The following SNX31 variants were observed in gnomAD, a reference collection of about 807,000 sequenced individuals.
SNX31 encodes the protein sorting nexin 31.
A neutral mutation model predicts 65.4 loss-of-function variants in SNX31; 58 were observed. The observed-to-expected ratio is 0.89, with a 90% CI of 0.72 to 1.10. SNX31 has a LOEUF of 1.10. Among genes scored for constraint, SNX31 ranks in the 50% least tolerant of loss-of-function variants. The probability of loss-of-function intolerance (pLI) is 0.00; values close to 1 mark genes in which losing one functional copy is unlikely to be tolerated. For synonymous variants in SNX31, 181 were observed against 190.1 expected, an observed-to-expected ratio of 0.95 and a Z score of 0.39; for missense variants, 523 against 529.7, an observed-to-expected ratio of 0.99 and a Z score of 0.12.
At position 100,573,613 on chromosome 8, in the gene SNX31, T is replaced by C. The variant is rs747205140; in HGVS notation, c.*252A>G. On this transcript the variant is annotated 3_prime_UTR_variant, in exon 14 of 14. Transcript: ENST00000311812. ...TATGAGACATTAAAAACAAACTCTA[T>C]ACTGTCATGACGAAGTGCAAAAATA... 59 of 286,320 alleles carry C rather than the reference T, an allele frequency of 2.1e-4. No homozygotes were observed. The highest frequency in any genetic ancestry group is 2.9e-4 in the Non-Finnish European group (45 of 156,186). The allele number at this position is 286,320 out of a possible 1,614,324, so 17.7% of individuals were successfully genotyped here.
intron 2 of SNX31, among the ~76,000 whole-genome samples, chr8:100,641,312 A>G (rs1318058061): frequency 2.0e-5 from 3 of 151,660 alleles, no homozygotes; most frequent in Non-Finnish European, 4.4e-5. Context: ...CTAGGTGGGC[A>G]GATTGCTTGA....
intron 11 of SNX31, among the ~76,000 whole-genome samples, chr8:100,586,080 C>G (rs1316670487): frequency 4.6e-5 from 7 of 152,070 alleles, no homozygotes; most frequent in African/African-American, 1.7e-4. Flanking sequence ...GCCACCATGC[C>G]CAGATGATTT....
Position 100,649,662 on chromosome 8 carries a change from A to T in SNX31, c.-148T>A. On this transcript the variant is annotated 5_prime_UTR_variant, in exon 1 of 14. The change abolishes an upstream ATG in the 5' untranslated region. Transcript: ENST00000311812. ...GCGCCCGCTCTCGCCGGCCGGGGAC[A>T]TCTACAGGTGGGGCCGGGGCCGGGC... 1.4e-6 allele frequency: 1 copy of T among 708,270 alleles called. No homozygotes were observed. The highest frequency in any genetic ancestry group is 2.1e-5 in the South Asian group (1 of 47,906). 43.9% of individuals were successfully genotyped at this position (708,270 alleles called of 1,614,324 possible).
At chr8:100,605,161 A>C (rs1292886424) in intron 8 of SNX31, among the ~76,000 whole-genome samples, 1 of 152,128 alleles carries the variant, frequency 6.6e-6, no homozygotes, top group East Asian at 1.9e-4. Context: ...GGCCTCTCAA[A>C]GTGCTGGGAT....
In SNX31 at chr8:100,649,244, T is replaced by TG. The variant is rs750363312; in HGVS notation, c.141+29dup. On this transcript the variant is annotated intron_variant, in intron 2 of 13. Transcript: ENST00000311812. ...AGCTTTCTCCACCTGTCTCAGTGGATGGGCTCGTACCCGCCTCCAATCTGC... is the reference window on the plus strand; with the variant it reads ...AGCTTTCTCCACCTGTCTCAGTGGATGGGGCTCGTACCCGCCTCCAATCTGC... 11 of 1,608,576 alleles carry TG rather than the reference T, an allele frequency of 6.8e-6. No homozygotes were observed. The Admixed American group carries it at 1.8e-4, about 27-fold the overall frequency.
At chr8:100,654,612 C>A (rs79040754), upstream of SNX31, among the ~76,000 whole-genome samples, 1,324 of 152,340 alleles carry the variant, frequency 8.7e-3, 16 homozygotes, top group African/African-American at 0.027. Flanking sequence ...AGAAGTGACC[C>A]CCACCCCAGG....
chr8:100,605,087 T>G (rs1816023000), intron 8 of SNX31, among the ~76,000 whole-genome samples: 1 of 152,112 alleles, frequency 6.6e-6, no homozygotes, highest in Non-Finnish European at 1.5e-5. Context: ...TTAGTAGAGA[T>G]GGAGTTTCAC....
chr8:100,595,470 G>A (rs1031490097), intron 10 of SNX31, among the ~76,000 whole-genome samples: 11 of 152,044 alleles, frequency 7.2e-5, no homozygotes, highest in Non-Finnish European at 7.4e-5. Flanking sequence ...CACCATGCCT[G>A]GTTTATTTTT....
intron 2 of SNX31, among the ~76,000 whole-genome samples, chr8:100,637,436 C>A (rs918401633): frequency 3.9e-5 from 6 of 152,180 alleles, no homozygotes; most frequent in African/African-American, 1.4e-4. Flanking sequence ...CTGCAAACAG[C>A]AAGATTTTTT....
chr8:100,650,974 TC>T (rs1162570871), upstream of SNX31, among the ~76,000 whole-genome samples: 1 of 151,542 alleles, frequency 6.6e-6, no homozygotes, highest in African/African-American at 2.4e-5. Context: ...TGCCTCAGCC[TC>T]CTGAGTAGCT....
At chr8:100,661,781 C>T (rs71516878) in intron 1 of SNX31, among the ~76,000 whole-genome samples, 27,685 of 151,846 alleles carry the variant, frequency 0.18, 2,764 homozygotes, top group Admixed American at 0.32. Flanking sequence ...CCTCCTGCCT[C>T]AGCCTCCCAA....
chr8:100,574,849 G>T (rs190400551), intron 13 of SNX31, among the ~76,000 whole-genome samples: 2 of 152,094 alleles, frequency 1.3e-5, no homozygotes, highest in Admixed American at 6.5e-5. Context: ...CAGGAGGATC[G>T]CTTGAACCTG....
At chr8:100,615,710 T>C (rs1039265061) in intron 5 of SNX31, among the ~76,000 whole-genome samples, 3 of 152,240 alleles carry the variant, frequency 2.0e-5, no homozygotes, top group Non-Finnish European at 4.4e-5. Flanking sequence ...CTGTACTAAA[T>C]ACTCTAGGCA....
Position 100,626,979 on chromosome 8 carries a change from G to T in SNX31, c.321+3348C>A, listed in dbSNP as rs756046391. ...TGAAAAACACAGCTAGAGGTATAAGGCTTTTGTATGAAGTCACAAAGGCAA... is the reference window on the plus strand; with the variant it reads ...TGAAAAACACAGCTAGAGGTATAAGTCTTTTGTATGAAGTCACAAAGGCAA... On this transcript the variant is annotated intron_variant, in intron 4 of 13. Coordinates refer to ENST00000311812, the MANE Select transcript of SNX31 (RefSeq NM_152628.4). The surrounding 1 kb of genome is among the most constrained non-coding windows in gnomAD (Gnocchi z 4.4). 5.9e-5 allele frequency among the ~76,000 whole-genome samples: 9 copies of T among 152,152 alleles called. No homozygotes were observed. The highest frequency in any genetic ancestry group is 1.0e-4 in the Non-Finnish European group (7 of 68,024).
chr8:100,614,598 G>A lies in SNX31; in HGVS notation c.433-1513C>T, dbSNP rs969976557. On this transcript the variant is annotated intron_variant, in intron 5 of 13. Transcript: ENST00000311812. This position sits in a 1 kb window ranked among gnomAD's most constrained non-coding sequence, Gnocchi z 5.1. ...GCCCTTAAAGAGGCCATTGAGGCCCGGCACGGTGGCTCATGCCTGTAATCC... is the reference window on the plus strand; with the variant it reads ...GCCCTTAAAGAGGCCATTGAGGCCCAGCACGGTGGCTCATGCCTGTAATCC... Among the ~76,000 whole-genome samples, 4 of 152,148 alleles carry A rather than the reference G, an allele frequency of 2.6e-5. No homozygotes were observed. The highest frequency in any genetic ancestry group is 4.8e-5 in the African/African-American group (2 of 41,416).
rs1243759275 is a variant in SNX31, at chr8:100,573,458, AT to A, written c.*406del. The stretch of plus-strand genomic sequence containing the variant: ...AATCGATCCAAAATATCTTTATGAT[AT>A]TTTATGAGACTTTCATTTATGTAAA... On this transcript the variant is annotated 3_prime_UTR_variant, in exon 14 of 14. Coordinates refer to ENST00000311812, the MANE Select transcript of SNX31 (RefSeq NM_152628.4). 3 of 153,078 alleles carry A rather than the reference AT, an allele frequency of 2.0e-5. No homozygotes were observed. The highest frequency in any genetic ancestry group is 7.2e-5 in the African/African-American group (3 of 41,490). 9.5% of individuals were successfully genotyped at this position (153,078 alleles called of 1,614,324 possible). A position where few individuals can be genotyped will look rare whatever the true frequency, so the allele number is the denominator to read the frequency against.
At chr8:100,606,679 A>G (rs548322936) in intron 8 of SNX31, among the ~76,000 whole-genome samples, 1 of 152,360 alleles carries the variant, frequency 6.6e-6, no homozygotes, top group Admixed American at 6.5e-5. Context: ...TCCTGAGTTT[A>G]TAAAAGCTAC....
At chr8:100,602,248 G>A (rs997234698) in intron 8 of SNX31, among the ~76,000 whole-genome samples, 19 of 152,334 alleles carry the variant, frequency 1.2e-4, no homozygotes, top group African/African-American at 4.6e-4. Flanking sequence ...GGCAGGCTAT[G>A]CTTTATCTCC....
chr8:100,618,606 C>T (rs1817441175), intron 4 of SNX31: 8 of 529,176 alleles, frequency 1.5e-5, no homozygotes, highest in Non-Finnish European at 2.7e-5. Flanking sequence ...CATTTCTGCC[C>T]AGCTGACTAC....
Sources: allele counts gnomAD v4.1 joint callset (sites outside exome capture counted in the v4.1 genomes callset), GRCh38; gene constraint gnomAD v4.1.1; non-coding constraint Gnocchi (gnomAD v3.1); transcripts MANE v1.5; gene names NCBI Gene and HGNC (gene_info 2026-07-23, HGNC 2026-07-21).